ATP10B: variants seen among roughly 807,000 people sequenced by gnomAD.
The protein encoded by ATP10B is ATPase phospholipid transporting 10B (putative), also known as phospholipid-transporting ATPase VB.
A neutral mutation model predicts 141.2 loss-of-function variants in ATP10B; 122 were observed. The ratio of observed to expected loss-of-function variants is 0.86; its 90% CI spans 0.75 to 1.00. ATP10B has a LOEUF of 1.00. Ranked by LOEUF, ATP10B falls within the 50% of genes least tolerant of loss-of-function variation. The pLI, the probability that ATP10B is intolerant of heterozygous loss-of-function variation, is 0.00. For missense variants in ATP10B, 1,876 were observed against 1,825.3 expected (o/e 1.03, Z -0.51); for synonymous variants, 685 against 692.0 (o/e 0.99, Z 0.16).
At chr5:160,725,896 T>C (rs1766314316) in intron 2 of ATP10B, among the ~76,000 whole-genome samples, 1 of 152,090 alleles carries the variant, frequency 6.6e-6, no homozygotes. Flanking sequence ...TGAACCAAAA[T>C]TTTTTTGTTT....
chr5:160,725,250 T>C (rs961528584), intron 2 of ATP10B, among the ~76,000 whole-genome samples: 8 of 152,338 alleles, frequency 5.3e-5, no homozygotes, highest in Admixed American at 3.9e-4. Context: ...AAAAATAACC[T>C]GAACATACGG....
chr5:160,668,745 C>T (rs1194891946), intron 7 of ATP10B, among the ~76,000 whole-genome samples: 1 of 152,158 alleles, frequency 6.6e-6, no homozygotes, highest in African/African-American at 2.4e-5. Flanking sequence ...TCTTGGGTAG[C>T]AAACTCTTTA....
chr5:160,618,468 C>G (rs1758151719), intron 15 of ATP10B, among the ~76,000 whole-genome samples: 1 of 152,128 alleles, frequency 6.6e-6, no homozygotes, highest in African/African-American at 2.4e-5. Flanking sequence ...AAATTAGGTC[C>G]CAAGACATCT....
At chr5:160,928,513 T>A in the ATP10B span, among the ~76,000 whole-genome samples, 29 of 152,154 alleles carry the variant, frequency 1.9e-4, no homozygotes, top group African/African-American at 6.5e-4. Flanking sequence ...GTCAAGCACA[T>A]GGGTTCTGGG....
chr5:160,746,497 T>G (rs1442109965), intron 2 of ATP10B, among the ~76,000 whole-genome samples: 2 of 151,960 alleles, frequency 1.3e-5, no homozygotes, highest in Non-Finnish European at 2.9e-5. Context: ...GTTCAAGTGA[T>G]TCTCATACCT....
chr5:160,572,146 T>C (rs1754913702), intron 24 of ATP10B, among the ~76,000 whole-genome samples: 1 of 152,090 alleles, frequency 6.6e-6, no homozygotes. Context: ...TCCCTGAGGT[T>C]TGGTCATTGC....
At chr5:160,851,098 T>G (rs1413227045) in intron 1 of ATP10B, among the ~76,000 whole-genome samples, 6 of 152,174 alleles carry the variant, frequency 3.9e-5, no homozygotes, top group African/African-American at 1.4e-4. Flanking sequence ...CAGATTGGCT[T>G]TGGGAGGTCA....
chr5:160,885,406 G>C, the ATP10B span, among the ~76,000 whole-genome samples: 1 of 152,212 alleles, frequency 6.6e-6, no homozygotes, highest in Non-Finnish European at 1.5e-5. Flanking sequence ...CTTCTCCCCA[G>C]ATGTATTTGC....
At chr5:160,760,261 G>A (rs1242833050) in intron 2 of ATP10B, among the ~76,000 whole-genome samples, 1 of 152,176 alleles carries the variant, frequency 6.6e-6, no homozygotes, top group Non-Finnish European at 1.5e-5. Context: ...TCAGCAAAAG[G>A]AGGTGTGACC....
At chr5:160,889,814 T>C in the ATP10B span, among the ~76,000 whole-genome samples, 1 of 152,266 alleles carries the variant, frequency 6.6e-6, no homozygotes, top group South Asian at 2.1e-4. Flanking sequence ...CAGGCTGCCT[T>C]TCCTGGCAGC....
chr5:160,697,792 G>A (rs1318857258), intron 3 of ATP10B, among the ~76,000 whole-genome samples: 1 of 152,130 alleles, frequency 6.6e-6, no homozygotes, highest in Non-Finnish European at 1.5e-5. Flanking sequence ...GATGGAAGGA[G>A]AGTCTGTTCC....
At chr5:160,858,959 AG>A in the ATP10B span, among the ~76,000 whole-genome samples, 1 of 151,976 alleles carries the variant, frequency 6.6e-6, no homozygotes, top group African/African-American at 2.4e-5. Flanking sequence ...AACATAATTT[AG>A]AAAGTTTAAG....
At chr5:160,884,058 T>C in the ATP10B span, among the ~76,000 whole-genome samples, 450 of 152,322 alleles carry the variant, frequency 3.0e-3, 3 homozygotes, top group South Asian at 0.024. Flanking sequence ...TACAGCATAT[T>C]GTTTATAAGC....
chr5:160,906,653 G>T, the ATP10B span, among the ~76,000 whole-genome samples: 19 of 152,144 alleles, frequency 1.2e-4, no homozygotes, highest in Non-Finnish European at 1.3e-4. Flanking sequence ...AAACCTAAAA[G>T]AATTTCCCAG....
intron 13 of ATP10B, among the ~76,000 whole-genome samples, chr5:160,630,705 A>C (rs548280982): frequency 3.0e-4 from 45 of 152,352 alleles, no homozygotes; most frequent in Non-Finnish European, 5.3e-4. Context: ...AATAAAAAAA[A>C]CCATGAAAAT....
At position 160,612,843 on chromosome 5, in the gene ATP10B, C is replaced by A; in HGVS notation, c.2736G>T (p.Trp912Cys). 6.2e-7 allele frequency: 1 copy of A among 1,614,084 alleles called. No homozygotes were observed. Among genetic ancestry groups the A allele is most frequent in the Non-Finnish European group, 8.5e-7 (1 of 1,179,996 alleles). The change falls in exon 18 of 26, where the codon TGG becomes TGT. Residue 912 changes from tryptophan to cysteine, a missense_variant. Transcript: ENST00000327245. ...TCTCCTGCTTATCTCCAGTCAGGACCCAGAGCTGGATCCCAGCCTCCCGCA... is the reference window on the plus strand; with the variant it reads ...TCTCCTGCTTATCTCCAGTCAGGACACAGAGCTGGATCCCAGCCTCCCGCA... ...ATLREAGIQLWVLTGDKQETA... is the reference protein window; with the variant it reads ...ATLREAGIQLCVLTGDKQETA...
chr5:160,928,733 C>G, the ATP10B span, among the ~76,000 whole-genome samples: 1 of 152,178 alleles, frequency 6.6e-6, no homozygotes, highest in Non-Finnish European at 1.5e-5. Context: ...CTCTCTTCCC[C>G]ACACACATTT....
chr5:160,691,677 T>G (rs1764084195), intron 3 of ATP10B: 1 of 152,212 alleles, frequency 6.6e-6, no homozygotes, highest in South Asian at 2.1e-4. Flanking sequence ...GTTTAAATGG[T>G]AATATTTTAC....
intron 1 of ATP10B, among the ~76,000 whole-genome samples, chr5:160,832,938 T>C (rs954105579): frequency 3.9e-5 from 6 of 152,070 alleles, no homozygotes; most frequent in African/African-American, 1.4e-4. Context: ...CCAAAGTAAG[T>C]CTGCAGTCAC....
Sources: allele counts gnomAD v4.1 joint callset (sites outside exome capture counted in the v4.1 genomes callset), GRCh38; gene constraint gnomAD v4.1.1; transcripts MANE v1.5; gene names NCBI Gene and HGNC (gene_info 2026-07-23, HGNC 2026-07-21).